The following PI4KB variants were observed in gnomAD, a reference collection of about 807,000 sequenced individuals.
The protein encoded by PI4KB is phosphatidylinositol 4-kinase beta.
PI4KB carries 23 observed loss-of-function variants against 81.4 expected under a neutral mutation model. The ratio of observed to expected loss-of-function variants is 0.28; its 90% CI spans 0.20 to 0.40. PI4KB has a LOEUF of 0.40. Ranked by LOEUF, PI4KB falls within the 10% of genes least tolerant of loss-of-function variation. PI4KB has a pLI of 1.00. For missense variants in PI4KB, 651 were observed against 1,036.6 expected (o/e 0.63, Z 5.11); for synonymous variants, 381 against 406.8 (o/e 0.94, Z 0.76).
At chr1:151,294,792 G>GT (rs1260244661) in intron 9 of PI4KB, among the ~76,000 whole-genome samples, 10 of 152,282 alleles carry the variant, frequency 6.6e-5, no homozygotes, top group African/African-American at 2.2e-4. Context: ...AATAAAAATA[G>GT]TTTAAGATTC....
intron 1 of PI4KB, among the ~76,000 whole-genome samples, chr1:151,321,085 C>T (rs1168054329): frequency 2.0e-5 from 3 of 152,194 alleles, no homozygotes; most frequent in Admixed American, 6.5e-5. Flanking sequence ...ACTCCCAGGG[C>T]TCAGCTAAGA....
At chr1:151,320,443 T>C (rs1648689767) in intron 1 of PI4KB, among the ~76,000 whole-genome samples, 1 of 152,120 alleles carries the variant, frequency 6.6e-6, no homozygotes, top group African/African-American at 2.4e-5. Flanking sequence ...TTCTCAGAGA[T>C]CACCAAAAAA....
At chr1:151,325,002 T>A in intron 1 of PI4KB, 1 of 682,244 alleles carries the variant, frequency 1.5e-6, no homozygotes, top group Non-Finnish European at 1.8e-6. Context: ...TTTTTTTTTT[T>A]TTTTCCTGAG....
chr1:151,303,269 G>A (rs1027464972), intron 6 of PI4KB: 67 of 365,174 alleles, frequency 1.8e-4, no homozygotes, highest in Non-Finnish European at 3.0e-4. Context: ...AAAGTGATGG[G>A]GTTACAGGTG....
intron 1 of PI4KB, among the ~76,000 whole-genome samples, chr1:151,320,871 A>G (rs1571222208): frequency 6.6e-6 from 1 of 152,310 alleles, no homozygotes; most frequent in Non-Finnish European, 1.5e-5. Flanking sequence ...CAGACTTTTA[A>G]GTCACTGAAA....
At chr1:151,313,634 C>T (rs1397617593) in intron 2 of PI4KB, among the ~76,000 whole-genome samples, 1 of 152,234 alleles carries the variant, frequency 6.6e-6, no homozygotes, top group Admixed American at 6.5e-5. Context: ...CTGGATGACT[C>T]TTCTTGTTCT....
chr1:151,306,906 C>CG (rs1397442285), intron 4 of PI4KB, among the ~76,000 whole-genome samples: 2 of 152,158 alleles, frequency 1.3e-5, no homozygotes, highest in Non-Finnish European at 2.9e-5. Flanking sequence ...GAAACCCCGT[C>CG]GCTACTAAAA....
intron 6 of PI4KB, 166 bp downstream of exon 6, chr1:151,303,375 C>T: frequency 1.5e-6 from 1 of 652,130 alleles, no homozygotes; most frequent in Non-Finnish European, 2.8e-6. Context: ...ATTTCTCAAC[C>T]TACACCTTCA....
At chr1:151,322,570 T>C (rs1381796417) in intron 1 of PI4KB, among the ~76,000 whole-genome samples, 2 of 152,138 alleles carry the variant, frequency 1.3e-5, no homozygotes, top group East Asian at 1.9e-4. Flanking sequence ...ACTAGATAAA[T>C]ATGGATTGGT....
intron 2 of PI4KB, among the ~76,000 whole-genome samples, chr1:151,312,087 G>A (rs944006415): frequency 6.6e-6 from 1 of 152,256 alleles, no homozygotes; most frequent in African/African-American, 2.4e-5. Context: ...GCTTTGAGGA[G>A]CAGTGGTGGA....
intron 5 of PI4KB, among the ~76,000 whole-genome samples, chr1:151,303,937 A>C (rs1484543216): frequency 6.6e-6 from 1 of 152,172 alleles, no homozygotes; most frequent in Non-Finnish European, 1.5e-5. Context: ...AGTTCTCCAG[A>C]AGACTTCCAA....
chr1:151,296,644 ATTT>A (rs1694823085), intron 9 of PI4KB, among the ~76,000 whole-genome samples: 1 of 151,108 alleles, frequency 6.6e-6, no homozygotes, highest in Non-Finnish European at 1.5e-5. Context: ...CTAATTTTTT[ATTT>A]TTAGTAGAGA....
chr1:151,301,824 C>T lies in PI4KB; in HGVS notation c.1749+20G>A, dbSNP rs747860076. On this transcript the variant is annotated intron_variant, in intron 8 of 11. Coordinates refer to ENST00000368873, the MANE Select transcript of PI4KB (RefSeq NM_001369623.2). ...TGGGATTACAGCCACTGTGCCTGGC[C>T]TCTCCTTCTCTTCTCTTACCTGCAG... is the stretch of plus-strand genomic sequence containing the variant. The T allele has an allele frequency of 1.6e-5, 25 of 1,612,390 alleles. No homozygotes were observed. In the South Asian group the frequency reaches 2.1e-4, roughly 13 times the overall value.
At chr1:151,307,529 G>T in intron 4 of PI4KB, 45 bp downstream of exon 4, 4 of 1,324,246 alleles carry the variant, frequency 3.0e-6, no homozygotes, top group African/African-American at 1.4e-5. Flanking sequence ...AACCATGGGT[G>T]AAGAGTCACG....
Position 151,292,756 on chromosome 1 carries a change from T to G in PI4KB, c.*96A>C. The stretch of plus-strand genomic sequence containing the variant: ...CTTCCATTTCCCTTGGGTGGATGGT[T>G]GGGTAGGTGGGGTTTCCTGGTTTGG... On this transcript the variant is annotated 3_prime_UTR_variant, in exon 12 of 12. Coordinates refer to ENST00000368873, the MANE Select transcript of PI4KB (RefSeq NM_001369623.2). 9.3e-7 allele frequency: 1 copy of G among 1,077,738 alleles called. No individual in the cohort carries two copies. Among genetic ancestry groups the G allele is most frequent in the Non-Finnish European group, 1.3e-6 (1 of 747,260 alleles). 66.8% of individuals were successfully genotyped at this position (1,077,738 alleles called of 1,614,324 possible). A position where few individuals can be genotyped will look rare whatever the true frequency, so the allele number is the denominator to read the frequency against.
chr1:151,294,226 C>T, intron 10 of PI4KB, 88 bp from the exon 11 acceptor site: 1 of 1,524,672 alleles, frequency 6.6e-7, no homozygotes, highest in Admixed American at 1.9e-5. Context: ...ACTCCTCCTC[C>T]TCTTGGGGCC....
In PI4KB at chr1:151,315,505, A is replaced by G. The variant is rs906023202; in HGVS notation, c.909+68T>C. The G allele has an allele frequency of 1.5e-5, 15 of 999,476 alleles. No homozygotes were observed. In the Admixed American group the frequency reaches 2.4e-4, roughly 16 times the overall value. 61.9% of individuals were successfully genotyped at this position (999,476 alleles called of 1,614,324 possible). ...AAGAACAGCGTAACCCTGTGTGTAT[A>G]TAGGAGGCATCCTGTCTCCATGCAG... is the stretch of plus-strand genomic sequence containing the variant. On this transcript the variant is annotated intron_variant, in intron 2 of 11. Transcript: ENST00000368873.
intron 2 of PI4KB, among the ~76,000 whole-genome samples, chr1:151,315,270 C>A (rs972720013): frequency 2.8e-4 from 43 of 152,296 alleles, no homozygotes; most frequent in African/African-American, 1.0e-3. Flanking sequence ...AGCCACCGCG[C>A]CTGGCCAGTG....
intron 6 of PI4KB, among the ~76,000 whole-genome samples, chr1:151,302,577 C>CTTTTT (rs144203698): frequency 4.6e-4 from 62 of 133,750 alleles, no homozygotes; most frequent in South Asian, 1.2e-3. Flanking sequence ...CTTTTCTTTT[C>CTTTTT]TTTTTTTTTT....
Sources: gnomAD v4.1 joint callset for allele counts (sites outside exome capture counted in the v4.1 genomes callset) on GRCh38, gnomAD v4.1.1 for gene constraint, MANE v1.5 for transcripts, NCBI Gene and HGNC (gene_info 2026-07-23, HGNC 2026-07-21) for gene names.